PGBD1: variants seen among roughly 807,000 people sequenced by gnomAD.
PGBD1 encodes piggyBac transposable element derived 1.
PGBD1 carries 25 observed loss-of-function variants against 34.7 expected under a neutral mutation model. That is an observed-to-expected ratio of 0.72 (90% CI 0.52 to 1.00). PGBD1 has a LOEUF of 1.00. Among genes scored for constraint, PGBD1 ranks in the 50% least tolerant of loss-of-function variants. The pLI is 0.00. For synonymous variants in PGBD1, 292 were observed against 335.7 expected, an observed-to-expected ratio of 0.87 and a Z score of 1.42; for missense variants, 830 against 959.4, an observed-to-expected ratio of 0.87 and a Z score of 1.78.
intron 6 of PGBD1, among the ~76,000 whole-genome samples, chr6:28,298,205 G>A (rs1003585187): frequency 6.6e-6 from 1 of 152,070 alleles, no homozygotes; most frequent in African/African-American, 2.4e-5. Context: ...TTGATACTCA[G>A]TTTCCTCCAA....
intron 4 of PGBD1, 31 bp from the exon 5 acceptor site, chr6:28,296,785 A>G: frequency 6.2e-7 from 1 of 1,612,826 alleles, no homozygotes; most frequent in East Asian, 2.2e-5. Flanking sequence ...TGTGAAAACA[A>G]AGAGGCTATT....
At chr6:28,286,120 A>G (rs1317505489) in intron 3 of PGBD1, among the ~76,000 whole-genome samples, 1 of 152,254 alleles carries the variant, frequency 6.6e-6, no homozygotes, top group African/African-American at 2.4e-5. Flanking sequence ...ATATAATAGT[A>G]AAAGTGAATC....
At chr6:28,292,984 C>T (rs992814470) in intron 4 of PGBD1, among the ~76,000 whole-genome samples, 3 of 151,978 alleles carry the variant, frequency 2.0e-5, no homozygotes, top group African/African-American at 7.3e-5. Context: ...TGCTCTGTTG[C>T]CAGGCTGGAG....
intron 4 of PGBD1, among the ~76,000 whole-genome samples, chr6:28,292,054 A>G (rs1762473489): frequency 6.6e-6 from 1 of 152,192 alleles, no homozygotes; most frequent in African/African-American, 2.4e-5. Flanking sequence ...ACTGTTGTTC[A>G]ACATAATACC....
chr6:28,300,714 T>C lies in PGBD1; in HGVS notation c.870-10T>C, dbSNP rs1483052314. 6.3e-7 allele frequency: 1 copy of C among 1,582,018 alleles called. No individual in the cohort carries two copies. The highest frequency in any genetic ancestry group is 2.2e-5 in the East Asian group (1 of 44,576). On this transcript the variant is annotated splice_polypyrimidine_tract_variant and intron_variant, in intron 6 of 6. Coordinates refer to ENST00000682144, the MANE Select transcript of PGBD1 (RefSeq NM_032507.4). This position sits in a 1 kb window ranked among gnomAD's most constrained non-coding sequence, Gnocchi z 4.0. ...GGATTTTTATAACATGTTCTTTTTT[T>C]CTTTCCCAGAGAGTGTGCACCCCAG... is the stretch of plus-strand genomic sequence containing the variant.
chr6:28,287,136 G>A lies in PGBD1; in HGVS notation c.610G>A (p.Val204Ile). 1.2e-6 allele frequency: 2 copies of A among 1,614,016 alleles called. No individual in the cohort carries two copies. Among genetic ancestry groups the A allele is most frequent in the South Asian group, 2.2e-5 (2 of 91,080 alleles). ...GGAAAAAAACCCCAGAGACAAGGCT[G>A]TAGTGCCTGTGTTTAACCCAGTCAG... is the stretch of plus-strand genomic sequence containing the variant. ...LQEKNPRDKAVVPVFNPVRSQ... is the reference protein window; with the variant it reads ...LQEKNPRDKAIVPVFNPVRSQ... Residue 204 changes from valine to isoleucine, a missense_variant, in exon 4 of 7, where the codon GTA becomes ATA. Val to Ile is a conservative substitution (Grantham distance 29). Around this residue, in one of 3 missense-constraint regions of PGBD1, gnomAD observed 457 missense variants for 515.4 expected, o/e 0.89. Transcript: ENST00000682144.
chr6:28,287,108 C>T lies in PGBD1; in HGVS notation c.582C>T (p.Leu194=), dbSNP rs775845663. Residue 194 remains leucine (L), a synonymous_variant, in exon 4 of 7, where the codon CTC becomes CTT. Transcript: ENST00000682144. Reference sequence around the variant, plus strand: ...CTGTTCCCCACGGATCAGCTCATCTCCAGGAAAAAAACCCCAGAGACAAGG... The same window carrying T: ...CTGTTCCCCACGGATCAGCTCATCTTCAGGAAAAAAACCCCAGAGACAAGG... ...SGPVPHGSAH[L]QEKNPRDKAV... The T allele has an allele frequency of 1.9e-6, 3 of 1,614,044 alleles. No homozygotes were observed. The highest frequency in any genetic ancestry group is 2.7e-5 in the African/African-American group (2 of 75,022).
chr6:28,282,315 T>A (rs1762152293), intron 1 of PGBD1, among the ~76,000 whole-genome samples: 2 of 152,096 alleles, frequency 1.3e-5, no homozygotes, highest in Admixed American at 6.5e-5. Context: ...AATGAGATGC[T>A]CCACAAATGT....
chr6:28,298,233 A>G (rs1175742036), intron 6 of PGBD1, among the ~76,000 whole-genome samples: 2 of 152,170 alleles, frequency 1.3e-5, no homozygotes, highest in Non-Finnish European at 2.9e-5. Flanking sequence ...ATCCTGATCC[A>G]GTCTGTCCTG....
intron 5 of PGBD1, 21 bp downstream of exon 5, chr6:28,296,966 G>A: frequency 6.2e-7 from 1 of 1,613,208 alleles, no homozygotes; most frequent in Non-Finnish European, 8.5e-7. Context: ...GCCTCTGGCT[G>A]GACCCCTGTC....
rs201040615 is a variant in PGBD1, at chr6:28,284,195, G to A, written c.382G>A (p.Asp128Asn). ...VLENLETGSG[D>N]TGQQASVYIQ... ...GGAGAATCTAGAGACAGGAAGTGGA[G>A]ACACAGGACAACAGGTGGGAAGAGA... is the stretch of plus-strand genomic sequence containing the variant. The change falls in exon 2 of 7, where the codon GAC becomes AAC. Residue 128 changes from aspartate to asparagine, a missense_variant. Asp to Asn is a conservative substitution (Grantham distance 23). Coordinates refer to ENST00000682144, the MANE Select transcript of PGBD1 (RefSeq NM_032507.4). The A allele has an allele frequency of 6.4e-7, 1 of 1,556,806 alleles. No individual in the cohort carries two copies. The highest frequency in any genetic ancestry group is 2.3e-5 in the East Asian group (1 of 44,174).
In PGBD1 at chr6:28,302,521, C is replaced by A; in HGVS notation, c.*237C>A. ...TCTCTATGTCAAGTTTTGTGTCAGACATGGGAAATCATGTATTTGTTCAAT... is the reference window on the plus strand; with the variant it reads ...TCTCTATGTCAAGTTTTGTGTCAGAAATGGGAAATCATGTATTTGTTCAAT... On this transcript the variant is annotated 3_prime_UTR_variant, in exon 7 of 7. Transcript: ENST00000682144. The A allele has an allele frequency of 2.2e-6, 1 of 444,896 alleles. No homozygotes were observed. The highest frequency in any genetic ancestry group is 3.9e-6 in the Non-Finnish European group (1 of 253,786). 27.6% of individuals were successfully genotyped at this position (444,896 alleles called of 1,614,324 possible). A position where few individuals can be genotyped will look rare whatever the true frequency, so the allele number is the denominator to read the frequency against.
rs746059687 is a variant in PGBD1 at position 28,287,047 on chromosome 6, CT to C, written c.554-32del. On this transcript the variant is annotated intron_variant, in intron 3 of 6. Coordinates refer to ENST00000682144, the MANE Select transcript of PGBD1 (RefSeq NM_032507.4). Reference sequence around the variant, plus strand: ...AAGGGTACCCTAAAGGCCATCATGTCTCATTTAGGACTCTTGCCCTCTCTCT... The same window carrying C: ...AAGGGTACCCTAAAGGCCATCATGTCCATTTAGGACTCTTGCCCTCTCTCT... The C allele has an allele frequency of 3.2e-6, 5 of 1,550,834 alleles. No individual in the cohort carries two copies. The African/African-American group carries it at 5.4e-5, about 17-fold the overall frequency.
Position 28,296,934 on chromosome 6 carries a change from T to A in PGBD1, c.761T>A (p.Leu254His). Reference sequence around the variant, plus strand: ...TCAGCTCAGGAGACAGTTATGAGCCTCAGTCCGATGAGTAAGGCCAGGCCT... The same window carrying A: ...TCAGCTCAGGAGACAGTTATGAGCCACAGTCCGATGAGTAAGGCCAGGCCT... ...GNSAQETVMS[L>H]SPMTEEIVTK... Residue 254 changes from leucine to histidine, a missense_variant, in exon 5 of 7, where the codon CTC (leucine) becomes CAC (histidine). Physicochemically the swap from Leu to His is moderately conservative, Grantham distance 99. This residue lies in a region of PGBD1 where 457 missense variants were observed against 515.4 expected (regional missense o/e 0.89). Coordinates refer to ENST00000682144, the MANE Select transcript of PGBD1 (RefSeq NM_032507.4). 6.2e-7 allele frequency: 1 copy of A among 1,614,064 alleles called. No homozygotes were observed. The highest frequency in any genetic ancestry group is 8.5e-7 in the Non-Finnish European group (1 of 1,179,950).
intron 1 of PGBD1, 108 bp from the exon 2 acceptor site, chr6:28,283,668 C>T: frequency 1.0e-6 from 1 of 989,088 alleles, no homozygotes; most frequent in Non-Finnish European, 1.4e-6. Context: ...TGAGCATTAC[C>T]TACAGTGGGG....
At position 28,301,843 on chromosome 6, in the gene PGBD1, A is replaced by AGAACATATGAAAAAAATGAAGAGAGG; in HGVS notation, c.1991_2016dup (p.Tyr673AsnfsTer3). Reference sequence around the variant, plus strand: ...CCGAAAAATGTCCCCTTATGAATGTAGAACATATGAAAAAAATGAAGAGAG... The same window carrying AGAACATATGAAAAAAATGAAGAGAGG: ...CCGAAAAATGTCCCCTTATGAATGTAGAACATATGAAAAAAATGAAGAGAGGGAACATATGAAAAAAATGAAGAGAG... On this transcript the variant is annotated frameshift_variant, in exon 7 of 7. Transcript: ENST00000682144. LOFTEE classifies it low-confidence loss of function (END_TRUNC). 1 of 1,614,186 alleles carries AGAACATATGAAAAAAATGAAGAGAGG rather than the reference A, an allele frequency of 6.2e-7. No homozygotes were observed.
At chr6:28,297,375 TA>T (rs1287540864) in intron 5 of PGBD1, among the ~76,000 whole-genome samples, 1 of 152,184 alleles carries the variant, frequency 6.6e-6, no homozygotes, top group Non-Finnish European at 1.5e-5. Context: ...ATGTTTATTT[TA>T]TTTTTTTTAG....
At chr6:28,297,845 T>TTTTTAAAAAAAAAAA in intron 5 of PGBD1, 50 bp from the exon 6 acceptor site, 1 of 283,632 alleles carries the variant, frequency 3.5e-6, no homozygotes, top group East Asian at 6.9e-5. Flanking sequence ...TTTTTTTTTT[T>TTTTTAAAAAAAAAAA]CAAAATTCAC....
In PGBD1 at chr6:28,302,141, G is replaced by T; in HGVS notation, c.2287G>T (p.Val763Leu). Residue 763 changes from valine to leucine, a missense_variant, in exon 7 of 7, where the codon GTG becomes TTG. Val to Leu is a conservative substitution (Grantham distance 32). This residue lies in a region of PGBD1 where 372 missense variants were observed against 427.9 expected (regional missense o/e 0.87). Coordinates refer to ENST00000682144, the MANE Select transcript of PGBD1 (RefSeq NM_032507.4). Reference protein sequence around the residue: ...IRSKKWYSILVSYMIDVAMNN... With the variant: ...IRSKKWYSILLSYMIDVAMNN... ...AAGCAAGAAATGGTACTCAATTTTG[G>T]TGAGCTACATGATTGATGTAGCCAT... The T allele has an allele frequency of 6.2e-7, 1 of 1,614,136 alleles. No homozygotes were observed. Among genetic ancestry groups the T allele is most frequent in the Non-Finnish European group, 8.5e-7 (1 of 1,180,030 alleles).
Sources: gnomAD v4.1 joint callset for allele counts (sites outside exome capture counted in the v4.1 genomes callset) on GRCh38, gnomAD v4.1.1 for gene constraint, gnomAD v4.1.1 regional missense constraint, Gnocchi (gnomAD v3.1) non-coding constraint, MANE v1.5 for transcripts, NCBI Gene and HGNC (gene_info 2026-07-23, HGNC 2026-07-21) for gene names.